DLG2: variants seen among roughly 807,000 people sequenced by gnomAD.
DLG2 encodes the protein disks large homolog 2.
A neutral mutation model predicts 132.5 loss-of-function variants in DLG2; 45 were observed. The ratio of observed to expected loss-of-function variants is 0.34; its 90% confidence interval spans 0.27 to 0.44. DLG2 has a LOEUF of 0.44. Among genes scored for constraint, DLG2 ranks in the 20% least tolerant of loss-of-function variants. DLG2 has a pLI of 1.00. For synonymous variants in DLG2, 424 were observed against 419.6 expected (o/e 1.01, Z -0.13); for missense variants, 1,045 against 1,196.9 (o/e 0.87, Z 1.87).
chr11:83,882,731 C>T (rs886841124), intron 15 of DLG2, among the ~76,000 whole-genome samples: 5 of 152,132 alleles, frequency 3.3e-5, no homozygotes, highest in Non-Finnish European at 5.9e-5. Context: ...TAAATCCAAA[C>T]TTTAGACTAA....
At chr11:84,928,980 GTGTATATATATA>G (rs1478890774) in intron 6 of DLG2, among the ~76,000 whole-genome samples, 589 of 40,198 alleles carry the variant, frequency 0.015, 7 homozygotes, top group African/African-American at 0.031. Context: ...GTGTGTGTGT[GTGTATATATATA>G]TATATATATA....
intron 4 of DLG2, among the ~76,000 whole-genome samples, chr11:85,246,936 A>C (rs908678948): frequency 1.3e-5 from 2 of 152,114 alleles, no homozygotes. Flanking sequence ...TGGGGAACCC[A>C]CTAGAATAGC....
chr11:84,422,780 T>C (rs1451856506), intron 7 of DLG2, among the ~76,000 whole-genome samples: 1 of 152,154 alleles, frequency 6.6e-6, no homozygotes, highest in Non-Finnish European at 1.5e-5. Context: ...GTAAATGGAG[T>C]ACCTACTTTC....
chr11:85,039,910 G>A (rs1035545671), intron 6 of DLG2, among the ~76,000 whole-genome samples: 12 of 151,840 alleles, frequency 7.9e-5, no homozygotes, highest in Admixed American at 2.6e-4. Flanking sequence ...CACATTGGCA[G>A]TCCTTAGTAA....
intron 3 of DLG2, among the ~76,000 whole-genome samples, chr11:85,539,310 T>G (rs1302693411): frequency 6.7e-6 from 1 of 149,460 alleles, no homozygotes; most frequent in African/African-American, 2.6e-5. Flanking sequence ...GTCCCTTGAG[T>G]CTCTGGATCT....
intron 6 of DLG2, among the ~76,000 whole-genome samples, chr11:84,719,116 T>C (rs949997510): frequency 2.6e-4 from 40 of 152,190 alleles, no homozygotes; most frequent in Admixed American, 2.3e-3. Context: ...TCTCTAGGCA[T>C]AGCCAATATA....
At chr11:83,742,737 C>A (rs2092623464) in intron 18 of DLG2, among the ~76,000 whole-genome samples, 1 of 152,186 alleles carries the variant, frequency 6.6e-6, no homozygotes, top group Non-Finnish European at 1.5e-5. Context: ...AAATACCTTT[C>A]ATCCTGGTCC....
intron 6 of DLG2, among the ~76,000 whole-genome samples, chr11:84,587,656 C>T (rs2099532917): frequency 2.6e-5 from 4 of 152,262 alleles, no homozygotes; most frequent in Admixed American, 6.5e-5. Flanking sequence ...TTGCTCCAAG[C>T]TCCTAACATC....
intron 6 of DLG2, among the ~76,000 whole-genome samples, chr11:84,673,604 A>T (rs2099708296): frequency 1.6e-5 from 2 of 125,882 alleles, no homozygotes; most frequent in African/African-American, 7.6e-5. Flanking sequence ...TAGAATCTAA[A>T]AAAAAAAAAA....
At chr11:84,638,419 C>T (rs2099644389) in intron 6 of DLG2, among the ~76,000 whole-genome samples, 1 of 152,052 alleles carries the variant, frequency 6.6e-6, no homozygotes, top group Non-Finnish European at 1.5e-5. Context: ...CATTTACATC[C>T]CATGGCAACC....
chr11:84,803,496 T>A (rs1165960966), intron 6 of DLG2, among the ~76,000 whole-genome samples: 2 of 152,186 alleles, frequency 1.3e-5, no homozygotes, highest in Admixed American at 1.3e-4. Context: ...GTTATATATT[T>A]CTGATAAGCA....
chr11:84,959,172 C>T (rs1176590984), intron 6 of DLG2, among the ~76,000 whole-genome samples: 1 of 152,092 alleles, frequency 6.6e-6, no homozygotes, highest in Admixed American at 6.6e-5. Context: ...AATCAAGGGT[C>T]CATTTCTATT....
At chr11:85,421,599 T>C (rs760515219) in intron 3 of DLG2, among the ~76,000 whole-genome samples, 4 of 152,098 alleles carry the variant, frequency 2.6e-5, no homozygotes, top group Non-Finnish European at 5.9e-5. Context: ...AGTTGGTTAG[T>C]GAATTCTTAA....
At chr11:84,502,434 T>C (rs2099222524) in intron 7 of DLG2, among the ~76,000 whole-genome samples, 1 of 144,996 alleles carries the variant, frequency 6.9e-6, no homozygotes, top group Middle Eastern at 3.4e-3. Context: ...TCTCATGCTG[T>C]CACCCAGGCT....
At chr11:84,943,393 C>T (rs1447845534) in intron 6 of DLG2, among the ~76,000 whole-genome samples, 3 of 151,904 alleles carry the variant, frequency 2.0e-5, no homozygotes, top group Non-Finnish European at 4.4e-5. Context: ...TGCCTTCCTG[C>T]ATTCCCACAT....
intron 5 of DLG2, among the ~76,000 whole-genome samples, chr11:85,147,141 T>C (rs764440764): frequency 2.6e-5 from 4 of 152,186 alleles, no homozygotes; most frequent in South Asian, 2.1e-4. Context: ...TTCTTTAGTG[T>C]CTCTTTCCTT....
intron 11 of DLG2, among the ~76,000 whole-genome samples, chr11:84,056,864 G>A (rs1268971637): frequency 1.3e-5 from 2 of 152,132 alleles, no homozygotes; most frequent in African/African-American, 2.4e-5. Context: ...GTAGAAAGAA[G>A]TATGACTGAC....
chr11:83,963,860 A>C (rs919485478), intron 13 of DLG2, among the ~76,000 whole-genome samples: 2 of 151,880 alleles, frequency 1.3e-5, no homozygotes, highest in African/African-American at 4.8e-5. Flanking sequence ...AGATGTTGAA[A>C]TCTCATTCTG....
In DLG2 at chr11:85,350,238, T is replaced by C. The variant is rs559057330; in HGVS notation, c.41-64873A>G. Among the ~76,000 whole-genome samples the C allele has an allele frequency of 1.1e-4, 16 of 152,356 alleles. No homozygotes were observed. In the South Asian group the frequency reaches 1.4e-3, roughly 14 times the overall value. ...TTGAGAAGTGTCTGTTCATATCCTT[T>C]GCCCACTTTTTGATGCAGTTGTTTT... On this transcript the variant is annotated intron_variant, in intron 3 of 27. Coordinates refer to ENST00000376104, the MANE Select transcript of DLG2 (RefSeq NM_001142699.3).
Sources: gnomAD v4.1 joint callset for allele counts (sites outside exome capture counted in the v4.1 genomes callset) on GRCh38, gnomAD v4.1.1 for gene constraint, MANE v1.5 for transcripts, NCBI Gene and HGNC (gene_info 2026-07-23, HGNC 2026-07-21) for gene names.